Variants in SERGEF observed in about 807,000 individuals in gnomAD.
SERGEF encodes secretion-regulating guanine nucleotide exchange factor.
In SERGEF, 51 loss-of-function variants were observed where a neutral mutation model predicts 50.0. The observed-to-expected ratio is 1.02, with a 90% CI of 0.81 to 1.29. The LOEUF (loss-of-function observed/expected upper bound fraction) is 1.29. SERGEF is among the 50% of genes most tolerant of loss of function. The pLI, the probability that SERGEF is intolerant of heterozygous loss-of-function variation, is 0.00. For missense variants in SERGEF, 521 were observed against 557.0 expected, an observed-to-expected ratio of 0.94 and a Z score of 0.65; for synonymous variants, 205 against 212.4, an observed-to-expected ratio of 0.97 and a Z score of 0.30.
intron 10 of SERGEF, among the ~76,000 whole-genome samples, chr11:17,795,482 C>G (rs1248677772): frequency 6.6e-6 from 1 of 152,150 alleles, no homozygotes; most frequent in Non-Finnish European, 1.5e-5. Context: ...AGAAACACAG[C>G]CTGGTCTAGG....
chr11:17,944,037 C>T (rs1163421184), intron 9 of SERGEF, among the ~76,000 whole-genome samples: 1 of 152,206 alleles, frequency 6.6e-6, no homozygotes, highest in East Asian at 1.9e-4. Context: ...AAGCGGTTCT[C>T]CTGCCTCAGC....
At chr11:17,922,636 C>G (rs1353784827) in intron 9 of SERGEF, among the ~76,000 whole-genome samples, 1 of 151,842 alleles carries the variant, frequency 6.6e-6, no homozygotes, top group African/African-American at 2.4e-5. Context: ...TTTTTTAGTC[C>G]CCTGAGAACA....
intron 9 of SERGEF, among the ~76,000 whole-genome samples, chr11:17,883,866 T>C (rs1448276753): frequency 6.6e-6 from 1 of 152,222 alleles, no homozygotes; most frequent in Non-Finnish European, 1.5e-5. Flanking sequence ...AACAAAGTTC[T>C]GTCGCCTGCC....
chr11:17,845,051 A>G (rs1850581147), intron 10 of SERGEF, among the ~76,000 whole-genome samples: 1 of 152,134 alleles, frequency 6.6e-6, no homozygotes, highest in Non-Finnish European at 1.5e-5. Context: ...GCTCTAAGAC[A>G]ATGAGTGTAG....
In SERGEF at chr11:17,875,552, C is replaced by T. The variant is rs577273387; in HGVS notation, c.1048+2656G>A. On this transcript the variant is annotated intron_variant, in intron 10 of 10. Coordinates refer to ENST00000265965, the MANE Select transcript of SERGEF (RefSeq NM_012139.4). ...ATTCGCTTCTATGTGCGCTGGGCAGCGAGTCCATTGCTCAGGTAACACTGC... is the reference window on the plus strand; with the variant it reads ...ATTCGCTTCTATGTGCGCTGGGCAGTGAGTCCATTGCTCAGGTAACACTGC... Among the ~76,000 whole-genome samples, 8 of 152,352 alleles carry T rather than the reference C, an allele frequency of 5.3e-5. No individual in the cohort carries two copies. The South Asian group carries it at 1.0e-3, about 20-fold the overall frequency.
intron 9 of SERGEF, among the ~76,000 whole-genome samples, chr11:17,894,047 T>C (rs1336190928): frequency 6.6e-6 from 1 of 152,188 alleles, no homozygotes; most frequent in East Asian, 1.9e-4. Context: ...GTGAATTATT[T>C]TGCTCCACAT....
chr11:17,853,123 G>T (rs1021099355), intron 10 of SERGEF, among the ~76,000 whole-genome samples: 1 of 152,004 alleles, frequency 6.6e-6, no homozygotes. Flanking sequence ...TTTAATCTCT[G>T]CCCTGATTTC....
chr11:17,889,500 G>A (rs549927419), intron 9 of SERGEF, among the ~76,000 whole-genome samples: 15 of 152,122 alleles, frequency 9.9e-5, no homozygotes, highest in Non-Finnish European at 2.2e-4. Flanking sequence ...CAACTGTCCT[G>A]TACTCTTAAA....
At chr11:17,897,577 A>G (rs1463458389) in intron 9 of SERGEF, among the ~76,000 whole-genome samples, 5 of 152,244 alleles carry the variant, frequency 3.3e-5, no homozygotes, top group Non-Finnish European at 5.9e-5. Context: ...TGAAACACAT[A>G]ACAACATGGA....
At chr11:17,842,521 G>C (rs1850523531) in intron 10 of SERGEF, among the ~76,000 whole-genome samples, 1 of 152,148 alleles carries the variant, frequency 6.6e-6, no homozygotes, top group African/African-American at 2.4e-5. Flanking sequence ...AGTACTATGA[G>C]GTATACATTA....
intron 10 of SERGEF, among the ~76,000 whole-genome samples, chr11:17,804,300 A>G (rs975563050): frequency 2.0e-5 from 3 of 152,222 alleles, no homozygotes; most frequent in Non-Finnish European, 4.4e-5. Flanking sequence ...CTCCCAGTGC[A>G]TGAAACAGGC....
chr11:17,923,404 T>C (rs959195932), intron 9 of SERGEF, among the ~76,000 whole-genome samples: 1 of 152,182 alleles, frequency 6.6e-6, no homozygotes, highest in Non-Finnish European at 1.5e-5. Context: ...AGTTCTGTCC[T>C]GAGGCCAAGA....
chr11:17,863,763 C>T (rs1010644836), intron 10 of SERGEF: 3 of 152,196 alleles, frequency 2.0e-5, no homozygotes, highest in African/African-American at 7.2e-5. Context: ...CTACATGGCA[C>T]ATCATCAGAC....
At chr11:17,875,553 G>A (rs750055665) in intron 10 of SERGEF, among the ~76,000 whole-genome samples, 10 of 152,366 alleles carry the variant, frequency 6.6e-5, no homozygotes, top group East Asian at 3.9e-4. Context: ...GCTGGGCAGC[G>A]AGTCCATTGC....
chr11:17,958,455 G>T (rs1467602399), intron 9 of SERGEF, among the ~76,000 whole-genome samples: 1 of 151,956 alleles, frequency 6.6e-6, no homozygotes, highest in African/African-American at 2.4e-5. Context: ...TTTAGTAACA[G>T]AAACGCACAC....
chr11:17,910,835 T>C (rs1851938271), intron 9 of SERGEF, among the ~76,000 whole-genome samples: 1 of 150,842 alleles, frequency 6.6e-6, no homozygotes, highest in South Asian at 2.1e-4. Flanking sequence ...TGTGAATCAG[T>C]AACAAATACG....
intron 10 of SERGEF, among the ~76,000 whole-genome samples, chr11:17,852,766 C>T (rs1485318280): frequency 6.6e-6 from 1 of 152,146 alleles, no homozygotes; most frequent in Non-Finnish European, 1.5e-5. Context: ...CCTCATAATA[C>T]CCTGGTAGAT....
At chr11:17,954,973 T>A (rs903845559) in intron 9 of SERGEF, among the ~76,000 whole-genome samples, 1 of 152,192 alleles carries the variant, frequency 6.6e-6, no homozygotes, top group African/African-American at 2.4e-5. Context: ...AATGAGACAA[T>A]GTATGTGAAG....
At chr11:17,814,703 C>T (rs1849932189) in intron 10 of SERGEF, among the ~76,000 whole-genome samples, 1 of 152,214 alleles carries the variant, frequency 6.6e-6, no homozygotes, top group Non-Finnish European at 1.5e-5. Flanking sequence ...GCCCATGTAT[C>T]ACCCTAGGTC....
Sources: allele counts gnomAD v4.1 joint callset (sites outside exome capture counted in the v4.1 genomes callset), GRCh38; gene constraint gnomAD v4.1.1; transcripts MANE v1.5; gene names NCBI Gene and HGNC (gene_info 2026-07-23, HGNC 2026-07-21).